GALNTL6: variants seen among roughly 807,000 people sequenced by gnomAD.
GALNTL6 encodes polypeptide N-acetylgalactosaminyltransferase-like 6.
In GALNTL6, 46 loss-of-function variants were observed where a neutral mutation model predicts 73.7. The observed-to-expected ratio is 0.62, with a 90% CI of 0.49 to 0.80. The LOEUF is 0.80. GALNTL6 is among the 30% of genes least tolerant of loss of function. The pLI is 0.00. For synonymous variants in GALNTL6, 259 were observed against 263.7 expected (o/e 0.98, Z 0.17); for missense variants, 604 against 755.0 (o/e 0.80, Z 2.34).
rs200107546 is a variant in GALNTL6 at position 172,487,312 on chromosome 4, T to G, written c.553+138623T>G. 6.0e-3 allele frequency among the ~76,000 whole-genome samples: 688 copies of G among 115,454 alleles called. 5 individuals carry two copies. Among genetic ancestry groups the G allele is most frequent in the African/African-American group, 0.021 (648 of 30,482 alleles). The allele number at this position is 115,454 out of a possible 152,430, so 75.7% of individuals were successfully genotyped here. ...CTTCTTTCCTTCTGTCTTTCTTTCT[T>G]TCTTTCTTTCTTTCTTTCTTTCTTT... is the stretch of plus-strand genomic sequence containing the variant. On this transcript the variant is annotated intron_variant, in intron 5 of 12. Coordinates refer to ENST00000506823, the MANE Select transcript of GALNTL6 (RefSeq NM_001034845.3).
At chr4:172,698,183 T>G (rs1733804219) in intron 5 of GALNTL6, among the ~76,000 whole-genome samples, 1 of 152,008 alleles carries the variant, frequency 6.6e-6, no homozygotes, top group African/African-American at 2.4e-5. Context: ...GTTTTTATTT[T>G]TTGCTCCTAT....
chr4:172,808,605 A>C (rs370778752), intron 5 of GALNTL6, among the ~76,000 whole-genome samples: 2 of 152,240 alleles, frequency 1.3e-5, no homozygotes, highest in African/African-American at 4.8e-5. Flanking sequence ...ATTTGACATA[A>C]TAAGAACTGA....
intron 5 of GALNTL6, among the ~76,000 whole-genome samples, chr4:172,797,084 C>A (rs1349452629): frequency 6.6e-6 from 1 of 151,908 alleles, no homozygotes; most frequent in African/African-American, 2.4e-5. Context: ...ATAAATTCTT[C>A]TGAAAAAAAC....
intron 5 of GALNTL6, among the ~76,000 whole-genome samples, chr4:172,788,018 G>A (rs561883554): frequency 3.3e-5 from 5 of 152,088 alleles, no homozygotes; most frequent in African/African-American, 1.2e-4. Context: ...TAGTTTATCT[G>A]GTGTAGAGGA....
At chr4:172,876,614 C>T (rs916988096) in intron 7 of GALNTL6, among the ~76,000 whole-genome samples, 1 of 152,268 alleles carries the variant, frequency 6.6e-6, no homozygotes, top group Admixed American at 6.5e-5. Context: ...GAGTGATCAT[C>T]TCCTTGCATA....
At chr4:172,513,480 G>A (rs1734496434) in intron 5 of GALNTL6, among the ~76,000 whole-genome samples, 1 of 152,094 alleles carries the variant, frequency 6.6e-6, no homozygotes, top group Non-Finnish European at 1.5e-5. Flanking sequence ...TCTTTTGGGG[G>A]TGTTAAAGAG....
intron 2 of GALNTL6, among the ~76,000 whole-genome samples, chr4:171,978,052 C>A (rs891346331): frequency 6.6e-6 from 1 of 151,942 alleles, no homozygotes; most frequent in Admixed American, 6.6e-5. Context: ...GCAAAAACCG[C>A]CATTACTAAC....
chr4:172,020,206 A>G (rs925908201), intron 2 of GALNTL6, among the ~76,000 whole-genome samples: 1 of 152,104 alleles, frequency 6.6e-6, no homozygotes, highest in Non-Finnish European at 1.5e-5. Context: ...TGCCTAAATC[A>G]GAAAAGAAGA....
At chr4:172,800,134 G>C (rs1482324382) in intron 5 of GALNTL6, among the ~76,000 whole-genome samples, 1 of 152,092 alleles carries the variant, frequency 6.6e-6, no homozygotes, top group Non-Finnish European at 1.5e-5. Flanking sequence ...ATGGGGAGTT[G>C]TTGTAAGGGT....
intron 2 of GALNTL6, among the ~76,000 whole-genome samples, chr4:171,910,194 A>C (rs1344377691): frequency 1.3e-5 from 2 of 152,090 alleles, no homozygotes; most frequent in East Asian, 1.9e-4. Flanking sequence ...AACTGTTGTT[A>C]AACCGTTGTT....
intron 2 of GALNTL6, among the ~76,000 whole-genome samples, chr4:171,942,382 T>A (rs7675647): frequency 0.046 from 7,021 of 152,120 alleles, 406 homozygotes; most frequent in African/African-American, 0.14. Flanking sequence ...CATGTAGCCA[T>A]GATGTTTTGT....
At position 171,831,738 on chromosome 4, in the gene GALNTL6, T is replaced by C. The variant is rs182284969; in HGVS notation, c.138+17020T>C. On this transcript the variant is annotated intron_variant, in intron 2 of 12. Coordinates refer to ENST00000506823, the MANE Select transcript of GALNTL6 (RefSeq NM_001034845.3). Reference sequence around the variant, plus strand: ...TCAAAGGCATTCATTAATAAAAATATCATTTACAGATACAATTAAACAAAA... The same window carrying C: ...TCAAAGGCATTCATTAATAAAAATACCATTTACAGATACAATTAAACAAAA... 5.9e-4 allele frequency among the ~76,000 whole-genome samples: 90 copies of C among 151,918 alleles called. 2 individuals are homozygous for C. The East Asian group carries it at 0.016, about 28-fold the overall frequency.
chr4:172,308,955 G>A (rs2654782), intron 3 of GALNTL6, among the ~76,000 whole-genome samples: 122,586 of 152,078 alleles, frequency 0.81, 49,988 homozygotes, highest in Non-Finnish European at 0.87. Flanking sequence ...TATCATGGAT[G>A]CTCAATAACT....
chr4:172,539,908 A>ATATATATATATAT (rs1561128725), intron 5 of GALNTL6, among the ~76,000 whole-genome samples: 2 of 99,698 alleles, frequency 2.0e-5, no homozygotes, highest in African/African-American at 9.6e-5. Context: ...TATATATATA[A>ATATATATATATAT]AAAATCTCAT....
At chr4:172,817,882 G>T (rs1256165628) in intron 7 of GALNTL6, among the ~76,000 whole-genome samples, 1 of 152,158 alleles carries the variant, frequency 6.6e-6, no homozygotes, top group East Asian at 1.9e-4. Context: ...AGAAAATTCT[G>T]CCTTCCTGAT....
At chr4:172,813,426 G>A (rs923992930) in intron 6 of GALNTL6, 114 bp from the exon 7 acceptor site, 7 of 766,504 alleles carry the variant, frequency 9.1e-6, no homozygotes, top group African/African-American at 6.9e-5. Context: ...AGGACAGGGA[G>A]CCACGGCTGC....
chr4:172,552,852 A>AAAAAAAAC (rs1736010765), intron 5 of GALNTL6, among the ~76,000 whole-genome samples: 1 of 150,560 alleles, frequency 6.6e-6, no homozygotes, highest in South Asian at 2.1e-4. Flanking sequence ...AAAAAAAAAA[A>AAAAAAAAC]AAAAAGGTAA....
At chr4:172,469,929 C>T (rs1732982897) in intron 5 of GALNTL6, among the ~76,000 whole-genome samples, 2 of 152,156 alleles carry the variant, frequency 1.3e-5, no homozygotes, top group South Asian at 2.1e-4. Flanking sequence ...GGATTTACTA[C>T]TATTGTTAGA....
intron 2 of GALNTL6, among the ~76,000 whole-genome samples, chr4:171,954,419 G>C (rs1418517744): frequency 6.6e-6 from 1 of 152,172 alleles, no homozygotes; most frequent in Non-Finnish European, 1.5e-5. Flanking sequence ...GAACAATTAT[G>C]TAGCAATAAA....
Sources: gnomAD v4.1 joint callset for allele counts (sites outside exome capture counted in the v4.1 genomes callset) on GRCh38, gnomAD v4.1.1 for gene constraint, MANE v1.5 for transcripts, NCBI Gene and HGNC (gene_info 2026-07-23, HGNC 2026-07-21) for gene names.